C14orf39: variants seen among roughly 807,000 people sequenced by gnomAD.
The protein encoded by C14orf39 is chromosome 14 open reading frame 39, also known as protein SIX6OS1.
Under a neutral mutation model 85.6 loss-of-function variants are expected in C14orf39, and 66 were observed. The observed-to-expected ratio is 0.77, with a 90% confidence interval of 0.63 to 0.95. C14orf39 has a LOEUF of 0.95. Ranked by LOEUF, C14orf39 falls within the 40% of genes least tolerant of loss-of-function variation. The pLI is 0.00. For synonymous variants in C14orf39, 242 were observed against 214.0 expected, an observed-to-expected ratio of 1.13 and a Z score of -1.14; for missense variants, 735 against 663.9, an observed-to-expected ratio of 1.11 and a Z score of -1.18.
At chr14:60,471,494 A>G in intron 6 of C14orf39, 35 bp from the exon 7 acceptor site, 2 of 1,580,672 alleles carry the variant, frequency 1.3e-6, no homozygotes, top group East Asian at 4.6e-5. Flanking sequence ...GCTGATTATT[A>G]TATTCTTTTC....
intron 4 of C14orf39, among the ~76,000 whole-genome samples, chr14:60,481,735 A>G (rs2140156073): frequency 6.6e-6 from 1 of 152,268 alleles, no homozygotes; most frequent in South Asian, 2.1e-4. Flanking sequence ...CTGCACATGT[A>G]TTAGACTTGT....
chr14:60,482,834 GAAGT>G (rs1263781254), intron 4 of C14orf39, among the ~76,000 whole-genome samples: 3 of 151,610 alleles, frequency 2.0e-5, no homozygotes, highest in Non-Finnish European at 4.4e-5. Flanking sequence ...GTTGCAGAAT[GAAGT>G]GAGTCCATTT....
At chr14:60,451,280 G>A (rs966425378) in intron 16 of C14orf39, among the ~76,000 whole-genome samples, 2 of 152,140 alleles carry the variant, frequency 1.3e-5, no homozygotes, top group African/African-American at 4.8e-5. Context: ...AGTCAGTGTG[G>A]TGATTCCTCA....
intron 16 of C14orf39, among the ~76,000 whole-genome samples, chr14:60,442,673 T>C (rs1428717357): frequency 6.6e-6 from 1 of 152,220 alleles, no homozygotes; most frequent in Non-Finnish European, 1.5e-5. Flanking sequence ...TTCCTCCACA[T>C]AGACAAACCA....
intron 16 of C14orf39, 41 bp from the exon 17 acceptor site, chr14:60,442,172 T>C (rs751086445): frequency 7.7e-7 from 1 of 1,293,740 alleles, no homozygotes; most frequent in East Asian, 2.3e-5. Context: ...GTGAAATCAG[T>C]AGGACAGTAT....
intron 1 of C14orf39, chr14:60,511,694 G>A: frequency 3.9e-6 from 1 of 255,040 alleles, no homozygotes. Flanking sequence ...GCCATGGTAG[G>A]TTTCTCTGTA....
intron 17 of C14orf39, among the ~76,000 whole-genome samples, chr14:60,439,250 T>C (rs1317454952): frequency 6.6e-6 from 1 of 152,124 alleles, no homozygotes; most frequent in African/African-American, 2.4e-5. Context: ...CATAATTTGA[T>C]AGTCAGTGGG....
intron 16 of C14orf39, among the ~76,000 whole-genome samples, chr14:60,448,220 G>A (rs1000400736): frequency 3.3e-5 from 5 of 152,158 alleles, no homozygotes; most frequent in African/African-American, 9.7e-5. Flanking sequence ...AAGAGCTTGT[G>A]CACAGCAAAA....
At chr14:60,452,197 G>A (rs565644228) in intron 16 of C14orf39, among the ~76,000 whole-genome samples, 1 of 149,306 alleles carries the variant, frequency 6.7e-6, no homozygotes, top group East Asian at 2.0e-4. Context: ...AGAATTTCAA[G>A]CCTCATGGTA....
chr14:60,458,407 A>G (rs1296883930), intron 14 of C14orf39, among the ~76,000 whole-genome samples: 1 of 151,986 alleles, frequency 6.6e-6, no homozygotes, highest in East Asian at 1.9e-4. Flanking sequence ...TTTGCTTAAC[A>G]TAATGACCAC....
At chr14:60,454,964 A>T in intron 16 of C14orf39, 37 bp downstream of exon 16, 1 of 1,443,804 alleles carries the variant, frequency 6.9e-7, no homozygotes, top group East Asian at 2.7e-5. Context: ...TTCACAGCAG[A>T]ATTTTTAGAA....
Position 60,456,896 on chromosome 14 carries a change from A to G in C14orf39, c.1358+21T>C, listed in dbSNP as rs751800166. 1.6e-5 allele frequency: 24 copies of G among 1,524,156 alleles called. No individual in the cohort carries two copies. The East Asian group carries it at 5.3e-4, about 34-fold the overall frequency. The allele number at this position is 1,524,156 out of a possible 1,614,324, so 94.4% of individuals were successfully genotyped here. A position where few individuals can be genotyped will look rare whatever the true frequency, so the allele number is the denominator to read the frequency against. ...TTCAACATACAAATAATTTAACAAT[A>G]GTTATTAATTAAAATCCTACATTTC... On this transcript the variant is annotated intron_variant, in intron 15 of 17. Coordinates refer to ENST00000321731, the MANE Select transcript of C14orf39 (RefSeq NM_174978.3).
intron 2 of C14orf39, among the ~76,000 whole-genome samples, chr14:60,492,430 A>G (rs1020677068): frequency 4.6e-5 from 7 of 152,154 alleles, no homozygotes; most frequent in African/African-American, 1.7e-4. Flanking sequence ...GGAATCCTTC[A>G]GTAGTTATAA....
At chr14:60,486,907 A>G (rs1892905022), upstream of C14orf39, among the ~76,000 whole-genome samples, 1 of 152,234 alleles carries the variant, frequency 6.6e-6, no homozygotes, top group Non-Finnish European at 1.5e-5. Context: ...ATGTTTTGAT[A>G]ATGTAACAAT....
upstream of C14orf39, among the ~76,000 whole-genome samples, chr14:60,490,122 T>TCCA (rs1892964345): frequency 6.6e-6 from 1 of 152,184 alleles, no homozygotes; most frequent in Non-Finnish European, 1.5e-5. Context: ...CATTAAATGT[T>TCCA]GTAAATCTCA....
intron 1 of C14orf39, 136 bp from the exon 2 acceptor site, chr14:60,485,222 C>G (rs951571938): frequency 3.0e-5 from 21 of 704,838 alleles, no homozygotes; most frequent in Non-Finnish European, 3.9e-5. Flanking sequence ...AGACGAGAGG[C>G]CCCCTTGAGC....
At chr14:60,457,625 A>G (rs1891339320) in intron 14 of C14orf39, among the ~76,000 whole-genome samples, 1 of 152,010 alleles carries the variant, frequency 6.6e-6, no homozygotes, top group African/African-American at 2.4e-5. Context: ...GATTTCTCAA[A>G]TATGCTTGTT....
chr14:60,446,278 T>C (rs1261519155), intron 16 of C14orf39, among the ~76,000 whole-genome samples: 1 of 148,910 alleles, frequency 6.7e-6, no homozygotes, highest in Non-Finnish European at 1.5e-5. Context: ...CAGCATTGGA[T>C]TCAACAAAAT....
intron 13 of C14orf39, 68 bp from the exon 14 acceptor site, chr14:60,458,807 C>G: frequency 7.4e-7 from 1 of 1,350,140 alleles, no homozygotes. Flanking sequence ...CATAGTCTCG[C>G]CATTTGAAAT....
Sources: allele counts gnomAD v4.1 joint callset (sites outside exome capture counted in the v4.1 genomes callset), GRCh38; gene constraint gnomAD v4.1.1; transcripts MANE v1.5; gene names NCBI Gene and HGNC (gene_info 2026-07-23, HGNC 2026-07-21).